The following PRKAR1B variants were observed in gnomAD, a reference collection of about 807,000 sequenced individuals.
The protein encoded by PRKAR1B is cAMP-dependent protein kinase type I-beta regulatory subunit.
A neutral mutation model predicts 46.5 loss-of-function variants in PRKAR1B; 22 were observed. The ratio of observed to expected loss-of-function variants is 0.47; its 90% CI spans 0.34 to 0.68. The LOEUF is 0.68. Ranked by LOEUF, PRKAR1B falls within the 30% of genes least tolerant of loss-of-function variation. The probability of loss-of-function intolerance (pLI) is 0.01; values close to 1 mark genes in which losing one functional copy is unlikely to be tolerated. For missense variants in PRKAR1B, 445 were observed against 535.6 expected (o/e 0.83, Z 1.67); for synonymous variants, 259 against 217.7 (o/e 1.19, Z -1.67).
rs947986666 is a variant in PRKAR1B, at chr7:714,081, C to T, written c.-22-2554G>A. ...TCACGTGCTCCCCGCGGCCCCTCCACTCCCTCCTCCTCCTCCTCCAATTAC... is the reference window on the plus strand; with the variant it reads ...TCACGTGCTCCCCGCGGCCCCTCCATTCCCTCCTCCTCCTCCTCCAATTAC... On this transcript the variant is annotated intron_variant, in intron 1 of 10. Transcript: ENST00000537384. The surrounding 1 kb of genome is among the most constrained non-coding windows in gnomAD (Gnocchi z 4.3). 3.3e-5 allele frequency among the ~76,000 whole-genome samples: 5 copies of T among 152,198 alleles called. No individual in the cohort carries two copies. The highest frequency in any genetic ancestry group is 4.8e-5 in the African/African-American group (2 of 41,438).
Position 593,723 on chromosome 7 carries a change from C to T in PRKAR1B, c.708+2423G>A, listed in dbSNP as rs531444461. 2.6e-5 allele frequency among the ~76,000 whole-genome samples: 4 copies of T among 152,114 alleles called. No individual in the cohort carries two copies. The highest frequency in any genetic ancestry group is 5.9e-5 in the Non-Finnish European group (4 of 68,022). ...GCCTCCCAGTGAAGGCAGGAGTGAG[C>T]GGGTTCAGACAGAAGAGAGGGAGCG... On this transcript the variant is annotated intron_variant, in intron 7 of 10. Transcript: ENST00000537384. This position sits in a 1 kb window ranked among gnomAD's most constrained non-coding sequence, Gnocchi z 6.1.
intron 4 of PRKAR1B, among the ~76,000 whole-genome samples, chr7:625,615 A>G (rs181322112): frequency 9.9e-4 from 151 of 152,254 alleles, no homozygotes; most frequent in African/African-American, 3.2e-3. Context: ...AAGGGGCATC[A>G]CTACAGGTCC....
chr7:635,935 C>T (rs1448477477), intron 4 of PRKAR1B, among the ~76,000 whole-genome samples: 3 of 148,202 alleles, frequency 2.0e-5, no homozygotes, highest in South Asian at 2.1e-4. Flanking sequence ...ACCAGCACCG[C>T]GCCCACACAT....
intron 4 of PRKAR1B, among the ~76,000 whole-genome samples, chr7:609,161 C>T (rs994079974): frequency 2.0e-5 from 3 of 152,116 alleles, no homozygotes; most frequent in Admixed American, 6.5e-5. Context: ...CACCTGGCCC[C>T]GGTGGGGACA....
At chr7:605,180 G>A (rs1395832059) in intron 6 of PRKAR1B, among the ~76,000 whole-genome samples, 1 of 152,252 alleles carries the variant, frequency 6.6e-6, no homozygotes, top group Non-Finnish European at 1.5e-5. Context: ...AGGCCCTGGG[G>A]CCGCCAGTGC....
Position 680,686 on chromosome 7 carries a change from G to C in PRKAR1B, c.218C>G (p.Ser73Ter). 6.2e-7 allele frequency: 1 copy of C among 1,613,902 alleles called. No individual in the cohort carries two copies. Among genetic ancestry groups the C allele is most frequent in the Non-Finnish European group, 8.5e-7 (1 of 1,179,960 alleles). ...RQILARQKSN[S>*]QSDSHDEEVS... ...CTCCTCATCATGGGAGTCCGACTGT[G>C]AGTTTGACTTTTGCCGCGCCAAAAT... The change falls in exon 3 of 11, where the codon TCA becomes TGA. Residue 73 changes from serine to a stop codon, truncating the protein, a stop_gained. Transcript: ENST00000537384. LOFTEE classifies it high-confidence loss of function.
chr7:589,392 T>C (rs529468714), intron 7 of PRKAR1B, among the ~76,000 whole-genome samples: 158 of 152,076 alleles, frequency 1.0e-3, no homozygotes, highest in African/African-American at 3.7e-3. Flanking sequence ...TGCAAACAGC[T>C]GCTGACCCAG....
At chr7:557,317 G>A (rs1196473288) in intron 9 of PRKAR1B, among the ~76,000 whole-genome samples, 1 of 152,208 alleles carries the variant, frequency 6.6e-6, no homozygotes, top group Non-Finnish European at 1.5e-5. Flanking sequence ...GGGCCACATG[G>A]GACAGACACC....
At chr7:576,345 A>ATCCTTTCCCTCCTCCTTCTC (rs1343930949) in intron 9 of PRKAR1B, among the ~76,000 whole-genome samples, 1 of 152,074 alleles carries the variant, frequency 6.6e-6, no homozygotes, top group African/African-American at 2.4e-5. Context: ...CTGTGGTTTC[A>ATCCTTTCCCTCCTCCTTCTC]TCCTTTCCCT....
intron 5 of PRKAR1B, 43 bp from the exon 6 acceptor site, chr7:606,282 G>GACAT: frequency 6.3e-7 from 1 of 1,588,970 alleles, no homozygotes; most frequent in Non-Finnish European, 8.6e-7. Context: ...AGTACATCCA[G>GACAT]ACATACAAGT....
At chr7:599,786 G>GGAATGTGTAATGTGGACAGAGCTT (rs1277804242) in intron 6 of PRKAR1B, among the ~76,000 whole-genome samples, 1 of 149,866 alleles carries the variant, frequency 6.7e-6, no homozygotes, top group African/African-American at 2.5e-5. Context: ...ACATGGGCAG[G>GGAATGTGTAATGTGGACAGAGCTT]CCCCCCATTC....
At chr7:616,374 C>A (rs1437253443) in intron 4 of PRKAR1B, among the ~76,000 whole-genome samples, 2 of 152,266 alleles carry the variant, frequency 1.3e-5, no homozygotes, top group African/African-American at 2.4e-5. Context: ...CCACCTCTGG[C>A]CAAACGCAGC....
At chr7:555,947 G>A (rs572880631) in intron 9 of PRKAR1B, among the ~76,000 whole-genome samples, 1 of 152,326 alleles carries the variant, frequency 6.6e-6, no homozygotes, top group South Asian at 2.1e-4. Flanking sequence ...ATGACCAGAT[G>A]CCCCCGCTCC....
intron 4 of PRKAR1B, among the ~76,000 whole-genome samples, chr7:618,480 T>C (rs948131192): frequency 6.6e-6 from 1 of 152,174 alleles, no homozygotes; most frequent in African/African-American, 2.4e-5. Context: ...AAACATAGAA[T>C]CTTAAGCTAT....
At chr7:702,363 C>T (rs1780104997) in intron 2 of PRKAR1B, among the ~76,000 whole-genome samples, 1 of 151,816 alleles carries the variant, frequency 6.6e-6, no homozygotes, top group Non-Finnish European at 1.5e-5. Context: ...TAAATCCAAC[C>T]ATATCAATAA....
At chr7:575,541 TTTTTGGTTTTGG>T (rs757007291) in intron 9 of PRKAR1B, among the ~76,000 whole-genome samples, 2 of 152,134 alleles carry the variant, frequency 1.3e-5, no homozygotes, top group African/African-American at 4.8e-5. Context: ...TCTTTTTTTG[TTTTTGGTTTTGG>T]TTTTGGTTTT....
upstream of PRKAR1B, among the ~76,000 whole-genome samples, chr7:728,375 A>G (rs1781437838): frequency 6.6e-6 from 1 of 152,176 alleles, no homozygotes; most frequent in Non-Finnish European, 1.5e-5. Flanking sequence ...ATGTAGTGGG[A>G]AGTGCAGGGG....
intron 9 of PRKAR1B, among the ~76,000 whole-genome samples, chr7:559,489 G>A (rs1048167401): frequency 2.0e-5 from 3 of 152,202 alleles, no homozygotes; most frequent in Admixed American, 1.3e-4. Flanking sequence ...CCCGAGTGGT[G>A]CAGGAAGGGC....
chr7:574,974 C>T (rs766696093), intron 9 of PRKAR1B, among the ~76,000 whole-genome samples: 6 of 152,202 alleles, frequency 3.9e-5, no homozygotes, highest in African/African-American at 1.2e-4. Context: ...GGAGAGCCAC[C>T]GCCATTGCTC....
Sources: allele counts gnomAD v4.1 joint callset (sites outside exome capture counted in the v4.1 genomes callset), GRCh38; gene constraint gnomAD v4.1.1; non-coding constraint Gnocchi (gnomAD v3.1); transcripts MANE v1.5; gene names NCBI Gene and HGNC (gene_info 2026-07-23, HGNC 2026-07-21).